Variants in RYR3 observed in about 807,000 individuals in gnomAD.
RYR3 encodes the protein brain ryanodine receptor-calcium release channel.
Under a neutral mutation model 584.3 loss-of-function variants are expected in RYR3, and 207 were observed. That is an observed-to-expected ratio of 0.35 (90% CI 0.32 to 0.40). The LOEUF is 0.40. RYR3 is among the 10% of genes least tolerant of loss of function. The pLI, the probability that RYR3 is intolerant of heterozygous loss-of-function variation, is 1.00. For missense variants in RYR3, 5,616 were observed against 6,089.2 expected, an observed-to-expected ratio of 0.92 and a Z score of 2.59; for synonymous variants, 2,416 against 2,248.5, an observed-to-expected ratio of 1.07 and a Z score of -2.11.
At chr15:33,541,174 C>G (rs1412375966) in intron 7 of RYR3, among the ~76,000 whole-genome samples, 3 of 151,930 alleles carry the variant, frequency 2.0e-5, no homozygotes, top group Non-Finnish European at 4.4e-5. Flanking sequence ...TTTGCTCTCT[C>G]CCTGAGTTTC....
rs77644833 is a variant in RYR3, at chr15:33,319,614, G to A, written c.51+8518G>A. Among the ~76,000 whole-genome samples the A allele has an allele frequency of 7.1e-3, 1,084 of 152,350 alleles. 12 individuals are homozygous for A. The highest frequency in any genetic ancestry group is 0.025 in the African/African-American group (1,052 of 41,588). ...TGATGGGTAAAGTCAGAGGTAAAGC[G>A]TTTGCTATATTTGGCAGCATTTCTA... On this transcript the variant is annotated intron_variant, in intron 1 of 103. Transcript: ENST00000634891.
rs2066170671 is a variant in RYR3 at position 33,699,842 on chromosome 15, G to A, written c.6379+9G>A. 4 of 1,606,928 alleles carry A rather than the reference G, an allele frequency of 2.5e-6. No homozygotes were observed. Among genetic ancestry groups the A allele is most frequent in the South Asian group, 2.2e-5 (2 of 90,428 alleles). Reference sequence around the variant, plus strand: ...TAGCAGTGTTGGCCTAGGTGCGTAAGTCTTCTTGTAACTTCCACATCCAAA... The same window carrying A: ...TAGCAGTGTTGGCCTAGGTGCGTAAATCTTCTTGTAACTTCCACATCCAAA... On this transcript the variant is annotated intron_variant, in intron 41 of 103. Transcript: ENST00000634891.
intron 1 of RYR3, among the ~76,000 whole-genome samples, chr15:33,441,489 G>A (rs772681781): frequency 2.5e-4 from 38 of 152,168 alleles, no homozygotes; most frequent in Non-Finnish European, 4.7e-4. Flanking sequence ...GATGAGGGAA[G>A]ATAGGTGGGG....
chr15:33,558,317 A>T (rs1477510420), intron 10 of RYR3, among the ~76,000 whole-genome samples: 1 of 151,050 alleles, frequency 6.6e-6, no homozygotes, highest in Non-Finnish European at 1.5e-5. Flanking sequence ...TCATTGTTCA[A>T]TTCCCACCTA....
chr15:33,655,901 A>G (rs1229074548), intron 32 of RYR3, among the ~76,000 whole-genome samples: 2 of 152,222 alleles, frequency 1.3e-5, no homozygotes, highest in African/African-American at 4.8e-5. Context: ...ACTGGCTTTC[A>G]GATTCAGAAA....
chr15:33,346,696 G>T (rs1179093220), intron 1 of RYR3, among the ~76,000 whole-genome samples: 1 of 152,168 alleles, frequency 6.6e-6, no homozygotes, highest in African/African-American at 2.4e-5. Flanking sequence ...TGGTAGGCAA[G>T]GTTTTCCCCT....
At chr15:33,706,295 A>G (rs2152783227) in intron 42 of RYR3, among the ~76,000 whole-genome samples, 1 of 152,302 alleles carries the variant, frequency 6.6e-6, no homozygotes, top group East Asian at 1.9e-4. Flanking sequence ...ATACTTTTGT[A>G]ATGTTGTTGA....
At chr15:33,694,398 T>C (rs11634983) in intron 38 of RYR3, among the ~76,000 whole-genome samples, 63,494 of 150,614 alleles carry the variant, frequency 0.42, 15,333 homozygotes, top group East Asian at 0.63. Context: ...GCGCCCTCCA[T>C]CACGCCCGGT....
At chr15:33,694,479 C>T (rs962417055) in intron 38 of RYR3, among the ~76,000 whole-genome samples, 7 of 152,116 alleles carry the variant, frequency 4.6e-5, no homozygotes, top group African/African-American at 9.7e-5. Context: ...CTCCTGACCT[C>T]GTGATCCACC....
chr15:33,360,042 C>G (rs1409296286), intron 1 of RYR3, among the ~76,000 whole-genome samples: 2 of 152,080 alleles, frequency 1.3e-5, no homozygotes, highest in Non-Finnish European at 1.5e-5. Flanking sequence ...ATCTGTCTCT[C>G]CTCTTTAGAC....
chr15:33,633,381 C>T (rs2061356370), intron 24 of RYR3, among the ~76,000 whole-genome samples: 1 of 152,194 alleles, frequency 6.6e-6, no homozygotes, highest in African/African-American at 2.4e-5. Context: ...AGCAAACCAG[C>T]CTGCCCAAAA....
At chr15:33,629,818 G>C in intron 21 of RYR3, 122 bp from the exon 22 acceptor site, 1 of 587,882 alleles carries the variant, frequency 1.7e-6, no homozygotes, top group Non-Finnish European at 3.0e-6. Flanking sequence ...GCAAGTTGCT[G>C]TCTTTCTCTT....
At chr15:33,647,878 A>G (rs896919225) in intron 30 of RYR3, among the ~76,000 whole-genome samples, 1 of 152,056 alleles carries the variant, frequency 6.6e-6, no homozygotes, top group African/African-American at 2.4e-5. Context: ...AAATGAGAAG[A>G]AGAGCAAGAA....
At chr15:33,554,337 C>G (rs2056916760) in intron 10 of RYR3, among the ~76,000 whole-genome samples, 1 of 143,012 alleles carries the variant, frequency 7.0e-6, no homozygotes, top group South Asian at 2.2e-4. Context: ...TTCTGTTGCC[C>G]AGGCTGGAGG....
At chr15:33,442,197 G>A (rs1477770988) in intron 1 of RYR3, among the ~76,000 whole-genome samples, 7 of 152,246 alleles carry the variant, frequency 4.6e-5, no homozygotes, top group Admixed American at 3.3e-4. Context: ...TGACTCCAAT[G>A]ATACATTAAT....
At chr15:33,802,010 C>G in intron 69 of RYR3, 49 bp downstream of exon 69, 2 of 1,087,278 alleles carry the variant, frequency 1.8e-6, no homozygotes, top group South Asian at 2.5e-5. Context: ...CTAACCTCAG[C>G]CATGACTTGG....
chr15:33,748,619 G>T, intron 55 of RYR3, 89 bp downstream of exon 55: 1 of 1,087,088 alleles, frequency 9.2e-7, no homozygotes. Flanking sequence ...GGGAAAGAAT[G>T]CCTAGAACAT....
chr15:33,554,443 C>G (rs1394651751), intron 10 of RYR3, among the ~76,000 whole-genome samples: 1 of 151,948 alleles, frequency 6.6e-6, no homozygotes, highest in Non-Finnish European at 1.5e-5. Flanking sequence ...CTACAGGCAC[C>G]CACCACCACA....
In RYR3 at chr15:33,864,012, GA is replaced by G; in HGVS notation, c.14466-125del. 4 of 636,424 alleles carry G rather than the reference GA, an allele frequency of 6.3e-6. No homozygotes were observed. The South Asian group carries it at 8.2e-5, about 13-fold the overall frequency. The allele number at this position is 636,424 out of a possible 1,614,324, so 39.4% of individuals were successfully genotyped here. A position where few individuals can be genotyped will look rare whatever the true frequency, so the allele number is the denominator to read the frequency against. ...TTGTGTCCTTATGCCACACTTCCCT[GA>G]TCATTTAAGTCACTGTAGATAGCGT... On this transcript the variant is annotated intron_variant, in intron 102 of 103. Transcript: ENST00000634891.
Sources: allele counts gnomAD v4.1 joint callset (sites outside exome capture counted in the v4.1 genomes callset), GRCh38; gene constraint gnomAD v4.1.1; transcripts MANE v1.5; gene names NCBI Gene and HGNC (gene_info 2026-07-23, HGNC 2026-07-21).